PMM2: variants seen among roughly 807,000 people sequenced by gnomAD.
The protein encoded by PMM2 is phosphomannomutase 2, also known as mannose-6-phosphate isomerase.
Under a neutral mutation model 33.2 loss-of-function variants are expected in PMM2, and 35 were observed. The ratio of observed to expected loss-of-function variants is 1.06; its 90% CI spans 0.81 to 1.40. The LOEUF (loss-of-function observed/expected upper bound fraction) is 1.40. Ranked by LOEUF, PMM2 falls within the 40% of genes most tolerant of loss-of-function variation. The pLI, the probability that PMM2 is intolerant of heterozygous loss-of-function variation, is 0.00. For missense variants in PMM2, 386 were observed against 306.0 expected (o/e 1.26, Z -1.95); for synonymous variants, 153 against 114.7 (o/e 1.33, Z -2.13).
intron 7 of PMM2, among the ~76,000 whole-genome samples, chr16:8,814,633 G>A (rs714302): frequency 8.5e-5 from 13 of 152,316 alleles, no homozygotes; most frequent in African/African-American, 2.4e-4. Context: ...GGGATTTGCC[G>A]AAGGTCACAC....
At chr16:8,820,196 C>G (rs1226190217) in intron 7 of PMM2, among the ~76,000 whole-genome samples, 2 of 151,964 alleles carry the variant, frequency 1.3e-5, no homozygotes, top group African/African-American at 4.8e-5. Context: ...AATTCTGTCT[C>G]AATAAACAAA....
Position 8,848,267 on chromosome 16 carries a change from C to T in PMM2, c.*442C>T, listed in dbSNP as rs776473282. On this transcript the variant is annotated 3_prime_UTR_variant, in exon 8 of 8. Transcript: ENST00000268261. ...ACATGGGGGTTTGGTAATGAGAAACCAGGACAGGCCATCTGCAGTGACCCA... is the reference window on the plus strand; with the variant it reads ...ACATGGGGGTTTGGTAATGAGAAACTAGGACAGGCCATCTGCAGTGACCCA... 4.6e-6 allele frequency: 1 copy of T among 215,894 alleles called. No homozygotes were observed. The allele number at this position is 215,894 out of a possible 1,614,324, so 13.4% of individuals were successfully genotyped here.
chr16:8,801,708 T>C lies in PMM2; in HGVS notation c.67-91T>C, dbSNP rs894650437. 17 of 800,306 alleles carry C rather than the reference T, an allele frequency of 2.1e-5. No homozygotes were observed. The South Asian group carries it at 2.4e-4, about 12-fold the overall frequency. The allele number at this position is 800,306 out of a possible 1,614,324, so 49.6% of individuals were successfully genotyped here. A position where few individuals can be genotyped will look rare whatever the true frequency, so the allele number is the denominator to read the frequency against. On this transcript the variant is annotated intron_variant, in intron 1 of 7. Coordinates refer to ENST00000268261, the MANE Select transcript of PMM2 (RefSeq NM_000303.3). The stretch of plus-strand genomic sequence containing the variant: ...TTTCTTTAATTTTTAAATAAGAAAA[T>C]AAGACTTATGTACTTGTGTTACCCT...
intron 7 of PMM2, among the ~76,000 whole-genome samples, chr16:8,822,127 T>G (rs1426443189): frequency 6.6e-6 from 1 of 152,164 alleles, no homozygotes; most frequent in Non-Finnish European, 1.5e-5. Flanking sequence ...TAAGGATAAC[T>G]TGCTGGGTAG....
intron 7 of PMM2, among the ~76,000 whole-genome samples, chr16:8,819,660 A>T (rs1358544555): frequency 1.3e-5 from 2 of 151,104 alleles, no homozygotes; most frequent in Non-Finnish European, 2.9e-5. Context: ...GCGCCACTGC[A>T]CTCCAGCCTA....
At chr16:8,803,841 G>A (rs1302397533) in intron 2 of PMM2, among the ~76,000 whole-genome samples, 3 of 151,094 alleles carry the variant, frequency 2.0e-5, no homozygotes, top group Non-Finnish European at 2.9e-5. Context: ...CCACCAGCAC[G>A]CCCGGCTAAT....
intron 4 of PMM2, chr16:8,808,750 A>T (rs990639827): frequency 6.6e-6 from 1 of 152,248 alleles, no homozygotes; most frequent in Non-Finnish European, 1.5e-5. Context: ...TCTGATCATT[A>T]GGACCTTTAG....
At position 8,847,917 on chromosome 16, in the gene PMM2, A is replaced by G; in HGVS notation, c.*92A>G. ...AGGGTCCTCCCACACGTGCTCACCC[A>G]CCCGCAGCCTAGGCAGGCTCTGCAT... On this transcript the variant is annotated 3_prime_UTR_variant, in exon 8 of 8. Transcript: ENST00000268261. The G allele has an allele frequency of 1.1e-6, 1 of 929,422 alleles. No individual in the cohort carries two copies. The highest frequency in any genetic ancestry group is 1.7e-6 in the Non-Finnish European group (1 of 582,416). The allele number at this position is 929,422 out of a possible 1,614,324, so 57.6% of individuals were successfully genotyped here. A position where few individuals can be genotyped will look rare whatever the true frequency, so the allele number is the denominator to read the frequency against.
chr16:8,802,192 TCTTG>T (rs2060620432), intron 2 of PMM2: 1 of 473,014 alleles, frequency 2.1e-6, no homozygotes, highest in African/African-American at 2.0e-5. Context: ...CTGGAATACT[TCTTG>T]CTTGTACCCG....
rs11861383 is a variant in PMM2 at position 8,844,174 on chromosome 16, G to A, written c.640-3550G>A. Among the ~76,000 whole-genome samples the A allele has an allele frequency of 2.3e-3, 351 of 152,286 alleles. 2 individuals carry two copies. The highest frequency in any genetic ancestry group is 7.9e-3 in the African/African-American group (330 of 41,550). Reference sequence around the variant, plus strand: ...ATTGGGGTCAAGCGGCATTGCAGAAGAAAATAAGGCATTTATTTAGGTTTT... The same window carrying A: ...ATTGGGGTCAAGCGGCATTGCAGAAAAAAATAAGGCATTTATTTAGGTTTT... On this transcript the variant is annotated intron_variant, in intron 7 of 7. Coordinates refer to ENST00000268261, the MANE Select transcript of PMM2 (RefSeq NM_000303.3).
At chr16:8,827,898 GATATATATT>G (rs2060785488) in intron 7 of PMM2, among the ~76,000 whole-genome samples, 2 of 27,772 alleles carry the variant, frequency 7.2e-5, no homozygotes, top group East Asian at 2.3e-3. Flanking sequence ...TGATATATAT[GATATATATT>G]ATATATATTA....
At chr16:8,839,282 A>G (rs946866029) in intron 7 of PMM2, among the ~76,000 whole-genome samples, 1 of 151,954 alleles carries the variant, frequency 6.6e-6, no homozygotes, top group African/African-American at 2.4e-5. Context: ...ATGTTAGGTA[A>G]AGGATCCACA....
intron 7 of PMM2, chr16:8,832,999 C>G (rs1412520959): frequency 1.8e-6 from 1 of 552,806 alleles, no homozygotes; most frequent in African/African-American, 2.3e-5. Flanking sequence ...TTGGTTTGCG[C>G]CGTATCCCCA....
At chr16:8,835,616 C>T (rs982663619) in intron 7 of PMM2, among the ~76,000 whole-genome samples, 65 of 151,988 alleles carry the variant, frequency 4.3e-4, no homozygotes, top group African/African-American at 1.5e-3. Context: ...TGGTTGATAA[C>T]GCGCAGATTC....
chr16:8,825,377 G>A (rs1262113125), intron 7 of PMM2, among the ~76,000 whole-genome samples: 1 of 152,036 alleles, frequency 6.6e-6, no homozygotes, highest in Non-Finnish European at 1.5e-5. Context: ...CCAGGCTGGA[G>A]TGCAGTGGCA....
chr16:8,848,136 T>A lies in PMM2; in HGVS notation c.*311T>A, dbSNP rs999490485. The A allele has an allele frequency of 1.7e-5, 6 of 362,762 alleles. No homozygotes were observed. The highest frequency in any genetic ancestry group is 2.6e-5 in the Non-Finnish European group (5 of 192,616). The allele number at this position is 362,762 out of a possible 1,614,324, so 22.5% of individuals were successfully genotyped here. ...TGTAGTTTTGGCGGAAATTTCCCCATCATTCTAGGATGATACAGAAAGAAA... is the reference window on the plus strand; with the variant it reads ...TGTAGTTTTGGCGGAAATTTCCCCAACATTCTAGGATGATACAGAAAGAAA... On this transcript the variant is annotated 3_prime_UTR_variant, in exon 8 of 8. Coordinates refer to ENST00000268261, the MANE Select transcript of PMM2 (RefSeq NM_000303.3).
intron 7 of PMM2, among the ~76,000 whole-genome samples, chr16:8,844,562 C>T (rs1020979712): frequency 1.3e-5 from 2 of 152,162 alleles, no homozygotes; most frequent in Non-Finnish European, 2.9e-5. Context: ...CTTGCCCCTT[C>T]CTCAGAAAAG....
At chr16:8,804,039 T>TTTTTTTTTTTTTTTTTTTTTTG (rs2060632559) in intron 2 of PMM2, among the ~76,000 whole-genome samples, 2 of 132,800 alleles carry the variant, frequency 1.5e-5, no homozygotes. Flanking sequence ...TTGTTTTTTT[T>TTTTTTTTTTTTTTTTTTTTTTG]TTTTTTTTTT....
intron 7 of PMM2, among the ~76,000 whole-genome samples, chr16:8,830,042 C>T (rs1489639615): frequency 6.6e-6 from 1 of 152,180 alleles, no homozygotes; most frequent in Non-Finnish European, 1.5e-5. Flanking sequence ...CAGACAGATA[C>T]CCTGTGATGG....
Sources: gnomAD v4.1 joint callset for allele counts (sites outside exome capture counted in the v4.1 genomes callset) on GRCh38, gnomAD v4.1.1 for gene constraint, MANE v1.5 for transcripts, NCBI Gene and HGNC (gene_info 2026-07-23, HGNC 2026-07-21) for gene names.